ZNF699: variants seen among roughly 807,000 people sequenced by gnomAD.
The protein encoded by ZNF699 is hangover homolog.
ZNF699 carries 18 observed loss-of-function variants against 22.5 expected under a neutral mutation model. The ratio of observed to expected loss-of-function variants is 0.80; its 90% CI spans 0.55 to 1.19. The LOEUF (loss-of-function observed/expected upper bound fraction) is 1.19. ZNF699 is among the 50% of genes most tolerant of loss of function. ZNF699 has a pLI of 0.00. For missense variants in ZNF699, 670 were observed against 763.4 expected (o/e 0.88, Z 1.44); for synonymous variants, 241 against 262.3 (o/e 0.92, Z 0.78).
At chr19:9,304,981 A>T in intron 2 of ZNF699, 91 bp downstream of exon 2, 2 of 1,035,622 alleles carry the variant, frequency 1.9e-6, no homozygotes, top group Non-Finnish European at 2.9e-6. Context: ...GGTCCAATAC[A>T]GAAAGAGATT....
chr19:9,296,358 T>A lies in ZNF699; in HGVS notation c.1046A>T (p.His349Leu). 1 of 1,611,174 alleles carries A rather than the reference T, an allele frequency of 6.2e-7. No individual in the cohort carries two copies. Among genetic ancestry groups the A allele is most frequent in the Middle Eastern group, 1.7e-4 (1 of 6,038 alleles). ...ECGKAFSSSS[H>L]LIIHIRIHTG... The stretch of plus-strand genomic sequence containing the variant: ...GTGAATTCTTATATGTATTATAAGG[T>A]GAGAGGAAGAGCTAAAGGCCTTCCC... The change falls in exon 6 of 6, where the codon CAC becomes CTC. Residue 349 changes from histidine (H) to leucine (L), a missense_variant. Transcript: ENST00000591998.
rs1444650894 is a variant in ZNF699, at chr19:9,291,870, G to C, written c.*3605C>G. The C allele has an allele frequency of 1.3e-5, 2 of 151,954 alleles. No homozygotes were observed. The highest frequency in any genetic ancestry group is 4.8e-5 in the African/African-American group (2 of 41,282). 9.4% of individuals were successfully genotyped at this position (151,954 alleles called of 1,614,324 possible). On this transcript the variant is annotated 3_prime_UTR_variant, in exon 6 of 6. Transcript: ENST00000591998. ...TTATAGGCACAGGCCACCACGCCTG[G>C]CTAATTTTTTTAGTACAGACAGGGT...
chr19:9,291,570 C>T lies in ZNF699; in HGVS notation c.*3905G>A, dbSNP rs2066265607. On this transcript the variant is annotated 3_prime_UTR_variant, in exon 6 of 6. Coordinates refer to ENST00000591998, the MANE Select transcript of ZNF699 (RefSeq NM_198535.3). Reference sequence around the variant, plus strand: ...AAAATTATTCAAAGTAGATCACAGACCTACATAAAAAAACAATAAAGAATC... The same window carrying T: ...AAAATTATTCAAAGTAGATCACAGATCTACATAAAAAAACAATAAAGAATC... The T allele has an allele frequency of 6.6e-6, 1 of 151,540 alleles. No individual in the cohort carries two copies. The highest frequency in any genetic ancestry group is 6.6e-5 in the Admixed American group (1 of 15,214). The allele number at this position is 151,540 out of a possible 1,614,324, so 9.4% of individuals were successfully genotyped here.
At chr19:9,302,677 C>T (rs1175187174) in intron 2 of ZNF699, among the ~76,000 whole-genome samples, 173 bp from the exon 3 acceptor site, 2 of 152,214 alleles carry the variant, frequency 1.3e-5, no homozygotes, top group Non-Finnish European at 1.5e-5. Context: ...TCTATCCACA[C>T]ATAATTCATC....
intron 3 of ZNF699, among the ~76,000 whole-genome samples, chr19:9,301,905 CTTT>C (rs199823792): frequency 2.1e-5 from 3 of 142,518 alleles, no homozygotes; most frequent in Non-Finnish European, 3.1e-5. Context: ...TTTCTTTTTT[CTTT>C]TTTTTTTTTT....
In ZNF699 at chr19:9,297,274, C is replaced by G; in HGVS notation, c.470+22G>C. 6.4e-7 allele frequency: 1 copy of G among 1,563,056 alleles called. No homozygotes were observed. Among genetic ancestry groups the G allele is most frequent in the Non-Finnish European group, 8.6e-7 (1 of 1,167,070 alleles). On this transcript the variant is annotated intron_variant, in intron 5 of 5. Coordinates refer to ENST00000591998, the MANE Select transcript of ZNF699 (RefSeq NM_198535.3). The surrounding 1 kb of genome is among the most constrained non-coding windows in gnomAD (Gnocchi z 4.3). ...AAGATTCTCTCCTGAGGCACTTTCT[C>G]TTTCTCACGAATGGCACTCACCTCA... is the stretch of plus-strand genomic sequence containing the variant.
At chr19:9,301,029 T>G (rs2066305206) in intron 3 of ZNF699, among the ~76,000 whole-genome samples, 1 of 152,068 alleles carries the variant, frequency 6.6e-6, no homozygotes, top group African/African-American at 2.4e-5. Context: ...TAGAGGAGGC[T>G]ATGCATGTGG....
rs1465683449 is a variant in ZNF699 at position 9,305,260 on chromosome 19, A to AACACAC, written c.-5-137_-5-136insGTGTGT. The AACACAC allele has an allele frequency of 1.0e-4, 66 of 651,056 alleles. 1 individual carries two copies. Among genetic ancestry groups the AACACAC allele is most frequent in the African/African-American group, 9.4e-4 (50 of 52,974 alleles). The allele number at this position is 651,056 out of a possible 1,614,324, so 40.3% of individuals were successfully genotyped here. A position where few individuals can be genotyped will look rare whatever the true frequency, so the allele number is the denominator to read the frequency against. ...AATTATAAGTAACAACTCCCCTCAA[A>AACACAC]ACACATACACACACACACACACACA... On this transcript the variant is annotated intron_variant, in intron 1 of 5. Transcript: ENST00000591998.
chr19:9,295,561 A>C lies in ZNF699; in HGVS notation c.1843T>G (p.Tyr615Asp), dbSNP rs1555723862. The part of the protein sequence containing the change: ...HVRSHTGEKP[Y>D]ECKECGKAFV... The stretch of plus-strand genomic sequence containing the variant: ...GCTTTCCCACATTCCTTACATTCAT[A>C]GGGTTTCTCTCCAGTGTGGCTTCTC... Residue 615 changes from tyrosine (Y) to aspartate (D), a missense_variant, in exon 6 of 6, where the codon TAT (tyrosine) becomes GAT (aspartate). Tyr to Asp is a radical substitution (Grantham distance 160). Transcript: ENST00000591998. 3 of 1,614,172 alleles carry C rather than the reference A, an allele frequency of 1.9e-6. No homozygotes were observed. The South Asian group carries it at 3.3e-5, about 18-fold the overall frequency.
At chr19:9,299,490 A>G (rs764652015) in intron 3 of ZNF699, among the ~76,000 whole-genome samples, 2 of 151,996 alleles carry the variant, frequency 1.3e-5, no homozygotes, top group African/African-American at 2.4e-5. Context: ...CCCAGGCTGT[A>G]GTAGTGGTGT....
chr19:9,293,252 A>G lies in ZNF699; in HGVS notation c.*2223T>C, dbSNP rs2066272582. On this transcript the variant is annotated 3_prime_UTR_variant, in exon 6 of 6. Transcript: ENST00000591998. Reference sequence around the variant, plus strand: ...AAAGTACTCGAAATCATTACACATCAGGTAAATGCACACTGTCTGCTGGAT... The same window carrying G: ...AAAGTACTCGAAATCATTACACATCGGGTAAATGCACACTGTCTGCTGGAT... 6.6e-6 allele frequency among the ~76,000 whole-genome samples: 1 copy of G among 152,110 alleles called. No individual in the cohort carries two copies. Among genetic ancestry groups the G allele is most frequent in the Non-Finnish European group, 1.5e-5 (1 of 68,026 alleles).
At chr19:9,305,915 G>T (rs1011216873) in intron 1 of ZNF699, among the ~76,000 whole-genome samples, 1 of 152,010 alleles carries the variant, frequency 6.6e-6, no homozygotes, top group Middle Eastern at 3.4e-3. Context: ...TGTTAGCCAG[G>T]ATGGTGTCAA....
rs946272657 is a variant in ZNF699 at position 9,292,355 on chromosome 19, C to T, written c.*3120G>A. Among the ~76,000 whole-genome samples, 2 of 152,114 alleles carry T rather than the reference C, an allele frequency of 1.3e-5. No individual in the cohort carries two copies. The highest frequency in any genetic ancestry group is 2.4e-5 in the African/African-American group (1 of 41,428). On this transcript the variant is annotated 3_prime_UTR_variant, in exon 6 of 6. Coordinates refer to ENST00000591998, the MANE Select transcript of ZNF699 (RefSeq NM_198535.3). ...GGGCAAGTGAGCCAATCAGAGCCAA[C>T]GAGATTCAATTCTGATCATCATATT... is the stretch of plus-strand genomic sequence containing the variant.
chr19:9,297,590 T>A lies in ZNF699; in HGVS notation c.287-111A>T. 1 of 783,308 alleles carries A rather than the reference T, an allele frequency of 1.3e-6. No homozygotes were observed. Among genetic ancestry groups the A allele is most frequent in the Non-Finnish European group, 2.0e-6 (1 of 501,032 alleles). 48.5% of individuals were successfully genotyped at this position (783,308 alleles called of 1,614,324 possible). On this transcript the variant is annotated intron_variant, in intron 4 of 5. Coordinates refer to ENST00000591998, the MANE Select transcript of ZNF699 (RefSeq NM_198535.3). The surrounding 1 kb of genome is among the most constrained non-coding windows in gnomAD (Gnocchi z 4.3). ...AGGGTCAAAATGGTAAGCAATTAAC[T>A]AAGAAATAATTTTATGAAGATTGAA...
rs551915699 is a variant in ZNF699, at chr19:9,291,432, T to C, written c.*4043A>G. The C allele has an allele frequency of 6.6e-6, 1 of 152,322 alleles. No homozygotes were observed. The highest frequency in any genetic ancestry group is 2.4e-5 in the African/African-American group (1 of 41,578). The allele number at this position is 152,322 out of a possible 1,614,324, so 9.4% of individuals were successfully genotyped here. On this transcript the variant is annotated 3_prime_UTR_variant, in exon 6 of 6. Transcript: ENST00000591998. ...ATAAATTAAGATAGTATGGTATTGA[T>C]GCAAGAAAAGACAAATGAACCAAGA...
rs1420867898 is a variant in ZNF699, at chr19:9,296,011, G to A, written c.1393C>T (p.His465Tyr). The change falls in exon 6 of 6, where the codon CAT (histidine) becomes TAT (tyrosine). Residue 465 changes from histidine to tyrosine, a missense_variant. Transcript: ENST00000591998. ...AFSCPSSFRA[H>Y]VRDHTGKIQY... ...ATCTTTCCAGTGTGATCTCTCACAT[G>A]TGCTCTAAAGGACGAGGGACAACTA... The A allele has an allele frequency of 1.2e-6, 2 of 1,614,010 alleles. No individual in the cohort carries two copies. Among genetic ancestry groups the A allele is most frequent in the East Asian group, 2.2e-5 (1 of 44,870 alleles).
chr19:9,306,471 T>C (rs965141626), intron 1 of ZNF699, among the ~76,000 whole-genome samples: 1 of 151,984 alleles, frequency 6.6e-6, no homozygotes. Flanking sequence ...AACAACGACA[T>C]GTTAACAGTT....
At chr19:9,303,006 C>CA (rs57698744) in intron 2 of ZNF699, among the ~76,000 whole-genome samples, 9,944 of 147,918 alleles carry the variant, frequency 0.067, 927 homozygotes, top group African/African-American at 0.21. Context: ...CTAGCCTGGA[C>CA]AAAAAAAAAC....
intron 2 of ZNF699, among the ~76,000 whole-genome samples, chr19:9,302,840 T>C (rs2066312843): frequency 1.3e-5 from 2 of 152,058 alleles, no homozygotes; most frequent in Non-Finnish European, 2.9e-5. Context: ...CAACAGAACA[T>C]AGTGAGAATC....
Sources: gnomAD v4.1 joint callset for allele counts (sites outside exome capture counted in the v4.1 genomes callset) on GRCh38, gnomAD v4.1.1 for gene constraint, Gnocchi (gnomAD v3.1) non-coding constraint, MANE v1.5 for transcripts, NCBI Gene and HGNC (gene_info 2026-07-23, HGNC 2026-07-21) for gene names.